The following CEP295 variants were observed in gnomAD, a reference collection of about 807,000 sequenced individuals.
CEP295 encodes the protein centrosomal protein 295.
In CEP295, 190 loss-of-function variants were observed where a neutral mutation model predicts 291.6. That is an observed-to-expected ratio of 0.65 (90% CI 0.58 to 0.73). The LOEUF is 0.73. CEP295 is among the 30% of genes least tolerant of loss of function. The pLI is 0.00. For synonymous variants in CEP295, 993 were observed against 1,038.8 expected, an observed-to-expected ratio of 0.96 and a Z score of 0.85; for missense variants, 2,863 against 2,949.4, an observed-to-expected ratio of 0.97 and a Z score of 0.68.
Position 93,667,819 on chromosome 11 carries a change from C to T in CEP295, c.309+12C>T. The T allele has an allele frequency of 6.6e-7, 1 of 1,511,700 alleles. No homozygotes were observed. Among genetic ancestry groups the T allele is most frequent in the Middle Eastern group, 1.7e-4 (1 of 5,874 alleles). The allele number at this position is 1,511,700 out of a possible 1,614,324, so 93.6% of individuals were successfully genotyped here. A position where few individuals can be genotyped will look rare whatever the true frequency, so the allele number is the denominator to read the frequency against. ...AGGCCAAAGAAAATGTGAGTGAGAT[C>T]TTATTTGACTACCCTGTTGTGGCAG... is the stretch of plus-strand genomic sequence containing the variant. On this transcript the variant is annotated intron_variant, in intron 3 of 29. Coordinates refer to ENST00000325212, the MANE Select transcript of CEP295 (RefSeq NM_033395.2).
rs1950856960 is a variant in CEP295 at position 93,679,454 on chromosome 11, G to A, written c.667G>A (p.Glu223Lys). 1.3e-6 allele frequency: 2 copies of A among 1,551,406 alleles called. No individual in the cohort carries two copies. Among genetic ancestry groups the A allele is most frequent in the South Asian group, 2.4e-5 (2 of 84,044 alleles). The change falls in exon 7 of 30, where the codon GAA becomes AAA. Residue 223 changes from glutamate (E) to lysine (K), a missense_variant. By Grantham distance (56) the Glu-to-Lys change is moderately conservative (BLOSUM62 1). Coordinates refer to ENST00000325212, the MANE Select transcript of CEP295 (RefSeq NM_033395.2). ...TGCTGAAGAGGAAGCTAAACGATTG[G>A]AAGAACTACAAAAACAGGCAGCACA... ...LAAEEEAKRL[E>K]ELQKQAAQER...
At chr11:93,710,986 C>T (rs1225628949) in intron 18 of CEP295, among the ~76,000 whole-genome samples, 1 of 151,748 alleles carries the variant, frequency 6.6e-6, no homozygotes, top group Non-Finnish European at 1.5e-5. Flanking sequence ...TTTATTTGGA[C>T]CTTCTTTTTT....
chr11:93,675,750 G>A (rs1246395831), intron 6 of CEP295, 84 bp downstream of exon 6: 2 of 718,960 alleles, frequency 2.8e-6, no homozygotes, highest in South Asian at 2.1e-5. Context: ...TATATGTATG[G>A]TGTTCCCAGA....
intron 10 of CEP295, among the ~76,000 whole-genome samples, chr11:93,690,524 A>G (rs1951471202): frequency 6.8e-6 from 1 of 146,690 alleles, no homozygotes; most frequent in African/African-American, 2.6e-5. Context: ...GGGCCACTGC[A>G]TTCCAGCCTG....
At position 93,663,032 on chromosome 11, in the gene CEP295, C is replaced by CA. The variant is rs578032403; in HGVS notation, c.-27+1263dup. Among the ~76,000 whole-genome samples, 296 of 152,284 alleles carry CA rather than the reference C, an allele frequency of 1.9e-3. 1 individual carries two copies. The highest frequency in any genetic ancestry group is 6.9e-3 in the African/African-American group (285 of 41,570). On this transcript the variant is annotated intron_variant, in intron 1 of 29. Transcript: ENST00000325212. ...CAACAAAGTACTTGGCCAGTATTTT[C>CA]AAAAATGACAGGGTCTTGAAAAGAC... is the stretch of plus-strand genomic sequence containing the variant.
At chr11:93,690,183 G>A (rs1261198266) in intron 10 of CEP295, among the ~76,000 whole-genome samples, 4 of 151,994 alleles carry the variant, frequency 2.6e-5, no homozygotes, top group African/African-American at 9.7e-5. Context: ...AGGCCCAGGC[G>A]GGCAGATGAC....
At chr11:93,729,400 A>C in intron 25 of CEP295, 34 bp from the exon 26 acceptor site, 4 of 1,441,624 alleles carry the variant, frequency 2.8e-6, no homozygotes, top group Non-Finnish European at 2.9e-6. Flanking sequence ...AAAGCGTTTA[A>C]AAAGAGTAAA....
Position 93,698,014 on chromosome 11 carries a change from T to A in CEP295, c.3102T>A (p.Ser1034=). 1.3e-6 allele frequency: 2 copies of A among 1,551,774 alleles called. No individual in the cohort carries two copies. The highest frequency in any genetic ancestry group is 1.7e-6 in the Non-Finnish European group (2 of 1,146,990). Residue 1034 remains serine, a synonymous_variant, in exon 15 of 30, where the codon TCT becomes TCA. Coordinates refer to ENST00000325212, the MANE Select transcript of CEP295 (RefSeq NM_033395.2). ...KSEKGLVSCQ[S]DIPISQDGSL... The stretch of plus-strand genomic sequence containing the variant: ...AGAAAGGACTTGTTTCATGCCAATC[T>A]GACATCCCCATATCTCAGGATGGGT...
At position 93,730,242 on chromosome 11, in the gene CEP295, GAAA is replaced by G; in HGVS notation, c.7780_7782del (p.Lys2594del). ...TATTCCTTCCACAGAAAACACTAGA[GAAA>G]CTTCGAGCCAAAAATACATGCTGAC... On this transcript the variant is annotated inframe_deletion, in exon 30 of 30. Coordinates refer to ENST00000325212, the MANE Select transcript of CEP295 (RefSeq NM_033395.2). 6.4e-7 allele frequency: 1 copy of G among 1,550,990 alleles called. No homozygotes were observed. The highest frequency in any genetic ancestry group is 1.4e-5 in the African/African-American group (1 of 73,120).
In CEP295 at chr11:93,729,945, C is replaced by T. The variant is rs375267654; in HGVS notation, c.7643C>T (p.Ala2548Val). Residue 2548 changes from alanine (A) to valine (V), a missense_variant, in exon 28 of 30, where the codon GCT becomes GTT. Ala to Val is a moderately conservative substitution (Grantham distance 64). Around this residue, in one of 3 missense-constraint regions of CEP295, gnomAD observed 2,295 missense variants for 2,335.7 expected, o/e 0.98. Transcript: ENST00000325212. ...CCTGAAGACAGAAAGACTACACAGG[C>T]TCTAAGGCACCAAAGGGGTCTAAGG... ...SFPEDRKTTQ[A>V]LRHQRGLRLY... The T allele has an allele frequency of 6.5e-7, 1 of 1,544,346 alleles. No individual in the cohort carries two copies. The highest frequency in any genetic ancestry group is 8.7e-7 in the Non-Finnish European group (1 of 1,145,250).
At chr11:93,719,231 G>GT (rs1211167886) in intron 18 of CEP295, among the ~76,000 whole-genome samples, 51 of 130,408 alleles carry the variant, frequency 3.9e-4, no homozygotes, top group South Asian at 5.0e-4. Flanking sequence ...TGTGTGGGTT[G>GT]TTTTTTTTTT....
intron 9 of CEP295, among the ~76,000 whole-genome samples, chr11:93,687,333 T>C (rs975391086): frequency 1.3e-5 from 2 of 152,236 alleles, no homozygotes; most frequent in African/African-American, 4.8e-5. Context: ...TACACATTCA[T>C]TTATCATTTA....
chr11:93,678,313 T>A (rs1469025154), intron 6 of CEP295, among the ~76,000 whole-genome samples: 1 of 152,182 alleles, frequency 6.6e-6, no homozygotes, highest in Middle Eastern at 3.2e-3. Context: ...TAATTTTGAT[T>A]TAATCTAACT....
At chr11:93,718,168 C>T (rs965215674) in intron 18 of CEP295, among the ~76,000 whole-genome samples, 4 of 152,224 alleles carry the variant, frequency 2.6e-5, no homozygotes, top group African/African-American at 9.6e-5. Context: ...ACCTTGGCCT[C>T]CCAAAGTGTT....
At chr11:93,725,515 A>G in intron 22 of CEP295, 136 bp from the exon 23 acceptor site, 2 of 727,998 alleles carry the variant, frequency 2.7e-6, no homozygotes, top group South Asian at 4.5e-5. Context: ...AAAGAACTGG[A>G]TTTGAAAAAG....
intron 5 of CEP295, among the ~76,000 whole-genome samples, chr11:93,671,231 C>T (rs1195951466): frequency 2.0e-5 from 3 of 152,232 alleles, no homozygotes; most frequent in Non-Finnish European, 4.4e-5. Flanking sequence ...TCCTCTCTGC[C>T]AGTTTTCAGA....
At chr11:93,695,821 GCCAATGTGGTGA>G in intron 13 of CEP295, 187 bp downstream of exon 13, 1 of 551,016 alleles carries the variant, frequency 1.8e-6, no homozygotes. Flanking sequence ...GACCAGCCTG[GCCAATGTGGTGA>G]AACCCCATCT....
chr11:93,728,828 T>G lies in CEP295; in HGVS notation c.7302+7T>G. On this transcript the variant is annotated splice_region_variant and intron_variant, in intron 25 of 29. Transcript: ENST00000325212. ...AGCAAAATGCTTCTTTCAGGTAAAT[T>G]TAAGCTTTCCTTCTATTTTATTCTA... The G allele has an allele frequency of 3.3e-6, 5 of 1,533,712 alleles. No homozygotes were observed. The highest frequency in any genetic ancestry group is 4.4e-6 in the Non-Finnish European group (5 of 1,142,414).
At chr11:93,707,350 C>T (rs767372585) in intron 18 of CEP295, among the ~76,000 whole-genome samples, 1 of 152,044 alleles carries the variant, frequency 6.6e-6, no homozygotes, top group Non-Finnish European at 1.5e-5. Flanking sequence ...TTAATCTTCT[C>T]GCTTCTGAAT....
Sources: gnomAD v4.1 joint callset for allele counts (sites outside exome capture counted in the v4.1 genomes callset) on GRCh38, gnomAD v4.1.1 for gene constraint, gnomAD v4.1.1 regional missense constraint, MANE v1.5 for transcripts, NCBI Gene and HGNC (gene_info 2026-07-23, HGNC 2026-07-21) for gene names.